PRPF31: variants seen among roughly 807,000 people sequenced by gnomAD.
PRPF31 encodes pre-mRNA processing factor 31.
In PRPF31, 12 loss-of-function variants were observed where a neutral mutation model predicts 60.4. The ratio of observed to expected loss-of-function variants is 0.20; its 90% confidence interval spans 0.13 to 0.32. The LOEUF is 0.32. Among genes scored for constraint, PRPF31 ranks in the 10% least tolerant of loss-of-function variants. The pLI, the probability that PRPF31 is intolerant of heterozygous loss-of-function variation, is 1.00. For synonymous variants in PRPF31, 287 were observed against 287.9 expected (o/e 1.00, Z 0.03); for missense variants, 431 against 687.1 (o/e 0.63, Z 4.17).
At chr19:54,126,778 C>T (rs1171298920) in intron 9 of PRPF31, among the ~76,000 whole-genome samples, 161 bp downstream of exon 9, 2 of 152,186 alleles carry the variant, frequency 1.3e-5, no homozygotes, top group African/African-American at 4.8e-5. Context: ...GCACCCCCTT[C>T]CCCAGTGGGG....
At chr19:54,131,178 G>C in intron 13 of PRPF31, 129 bp from the exon 14 acceptor site, 1 of 1,346,422 alleles carries the variant, frequency 7.4e-7, no homozygotes, top group Non-Finnish European at 1.1e-6. Flanking sequence ...GCAACTCCAG[G>C]GACAGGCAAA....
In PRPF31 at chr19:54,122,345, A is replaced by G. The variant is rs58057562; in HGVS notation, c.323-152A>G. The G allele has an allele frequency of 0.017, 13,390 of 770,954 alleles. 1,083 individuals carry two copies. The African/African-American group carries it at 0.19, about 11-fold the overall frequency. 47.8% of individuals were successfully genotyped at this position (770,954 alleles called of 1,614,324 possible). A position where few individuals can be genotyped will look rare whatever the true frequency, so the allele number is the denominator to read the frequency against. On this transcript the variant is annotated intron_variant, in intron 4 of 13. Coordinates refer to ENST00000321030, the MANE Select transcript of PRPF31 (RefSeq NM_015629.4). ...CCCCTGGTCACACCTAGCGGTAAGG[A>G]CGGCTGAGAAAGGCTGTATGCTGGT...
intron 8 of PRPF31, among the ~76,000 whole-genome samples, chr19:54,125,625 G>T (rs1284140418): frequency 3.9e-5 from 6 of 152,156 alleles, no homozygotes; most frequent in African/African-American, 1.2e-4. Flanking sequence ...CCCCAGGGAT[G>T]GGGAGAACAA....
At chr19:54,121,992 G>C in intron 4 of PRPF31, 49 bp downstream of exon 4, 1 of 1,545,650 alleles carries the variant, frequency 6.5e-7, no homozygotes, top group African/African-American at 1.4e-5. Flanking sequence ...CGTCCCTCAC[G>C]CCCCCTCTCC....
In PRPF31 at chr19:54,128,439, T is replaced by C; in HGVS notation, c.1146+62T>C. ...CAGCCAGCCGCCACCGCCCTCTGCC[T>C]CCTGCCACCGCCCCTCCTCTCGTCC... On this transcript the variant is annotated intron_variant, in intron 11 of 13. Transcript: ENST00000321030. The C allele has an allele frequency of 2.0e-6, 3 of 1,465,798 alleles. No homozygotes were observed. The South Asian group carries it at 3.6e-5, about 18-fold the overall frequency. 90.8% of individuals were successfully genotyped at this position (1,465,798 alleles called of 1,614,324 possible).
chr19:54,130,422 G>C (rs1323216900), intron 13 of PRPF31, among the ~76,000 whole-genome samples: 1 of 152,144 alleles, frequency 6.6e-6, no homozygotes, highest in Non-Finnish European at 1.5e-5. Context: ...TCAGGAGATC[G>C]AGACCATCCT....
At position 54,121,956 on chromosome 19, in the gene PRPF31, GGGC is replaced by G; in HGVS notation, c.322+14_322+16del. The G allele has an allele frequency of 6.2e-7, 1 of 1,607,730 alleles. No individual in the cohort carries two copies. ...GAAAACGAGCTGAGTGAGTGCTGGG[GGGC>G]AGGCGGAGACAGCCCCGTGTGACGT... On this transcript the variant is annotated intron_variant, in intron 4 of 13. Coordinates refer to ENST00000321030, the MANE Select transcript of PRPF31 (RefSeq NM_015629.4).
At position 54,121,835 on chromosome 19, in the gene PRPF31, C is replaced by T. The variant is rs587636626; in HGVS notation, c.239-25C>T. 399 of 1,593,846 alleles carry T rather than the reference C, an allele frequency of 2.5e-4. 6 individuals carry two copies. The South Asian group carries it at 4.4e-3, about 18-fold the overall frequency. Reference sequence around the variant, plus strand: ...GAGGGGGTAGGGATTTAGATACTCACACCCATGCCTCCGTGTCCTCACAGT... The same window carrying T: ...GAGGGGGTAGGGATTTAGATACTCATACCCATGCCTCCGTGTCCTCACAGT... On this transcript the variant is annotated intron_variant, in intron 3 of 13. Transcript: ENST00000321030.
intron 13 of PRPF31, 148 bp from the exon 14 acceptor site, chr19:54,131,159 C>T (rs2074039795): frequency 8.5e-7 from 1 of 1,175,716 alleles, no homozygotes. Flanking sequence ...CAGAATCTCC[C>T]AAGACAGGGC....
At chr19:54,122,635 G>T (rs760849663) in intron 5 of PRPF31, 41 bp downstream of exon 5, 1 of 1,512,138 alleles carries the variant, frequency 6.6e-7, no homozygotes, top group Non-Finnish European at 9.2e-7. Flanking sequence ...TGGCGTGAAG[G>T]GGCAGGCGGG....
chr19:54,131,380 TGGC>T lies in PRPF31; in HGVS notation c.1449_1451del (p.Met483_Ala484delinsIle), dbSNP rs755759583. 6.2e-7 allele frequency: 1 copy of T among 1,614,100 alleles called. No individual in the cohort carries two copies. Among genetic ancestry groups the T allele is most frequent in the Non-Finnish European group, 8.5e-7 (1 of 1,180,020 alleles). On this transcript the variant is annotated inframe_deletion, in exon 14 of 14. Coordinates refer to ENST00000321030, the MANE Select transcript of PRPF31 (RefSeq NM_015629.4). ...GCCAACCAGAAGTATTTCTCCAGCATGGCTGAGTTCCTCAAGGTCAAGGGCGAG... is the reference window on the plus strand; with the variant it reads ...GCCAACCAGAAGTATTTCTCCAGCATTGAGTTCCTCAAGGTCAAGGGCGAG...
chr19:54,127,107 G>A (rs1179178912), intron 9 of PRPF31, among the ~76,000 whole-genome samples: 3 of 152,154 alleles, frequency 2.0e-5, no homozygotes, highest in African/African-American at 4.8e-5. Flanking sequence ...GTGACATAGC[G>A]AGACTCCATC....
At chr19:54,122,437 G>A in intron 4 of PRPF31, 60 bp from the exon 5 acceptor site, 1 of 1,323,650 alleles carries the variant, frequency 7.6e-7, no homozygotes, top group Non-Finnish European at 1.1e-6. Flanking sequence ...GGGTGTTAGG[G>A]CCAACCAGCA....
rs373774402 is a variant in PRPF31, at chr19:54,126,506, C to A, written c.856-22C>A. The stretch of plus-strand genomic sequence containing the variant: ...GTCTGTCTGTCTCACACAGATTCCA[C>A]CCCCGTTTTCCGTTGCTCCAGGATC... On this transcript the variant is annotated intron_variant, in intron 8 of 13. Transcript: ENST00000321030. 3.6e-5 allele frequency: 58 copies of A among 1,607,158 alleles called. No individual in the cohort carries two copies. In the African/African-American group the frequency reaches 6.5e-4, roughly 18 times the overall value.
intron 1 of PRPF31, 66 bp from the exon 2 acceptor site, chr19:54,118,205 T>G: frequency 2.5e-6 from 4 of 1,610,276 alleles, no homozygotes; most frequent in Non-Finnish European, 3.4e-6. Flanking sequence ...GGGAGAATCA[T>G]CGCTCAGTAA....
Position 54,128,112 on chromosome 19 carries a change from G to C in PRPF31, c.985G>C (p.Asp329His). 6.4e-7 allele frequency: 1 copy of C among 1,550,618 alleles called. No individual in the cohort carries two copies. Among genetic ancestry groups the C allele is most frequent in the Non-Finnish European group, 8.7e-7 (1 of 1,147,566 alleles). ...GAAGGATGAGATCGAGCGCAAATTC[G>C]ACAAGTGGCAGGAGCCGCCGCCTGT... Reference protein sequence around the residue: ...ELKDEIERKFDKWQEPPPVKQ... With the variant: ...ELKDEIERKFHKWQEPPPVKQ... Residue 329 changes from aspartate (D) to histidine (H), a missense_variant, in exon 10 of 14, where the codon GAC becomes CAC. Around this residue, in one of 4 missense-constraint regions of PRPF31, gnomAD observed 314 missense variants for 475.3 expected, o/e 0.66. Coordinates refer to ENST00000321030, the MANE Select transcript of PRPF31 (RefSeq NM_015629.4).
chr19:54,123,319 A>C, intron 5 of PRPF31, 135 bp from the exon 6 acceptor site: 1 of 756,364 alleles, frequency 1.3e-6, no homozygotes, highest in Non-Finnish European at 2.4e-6. Flanking sequence ...CGGTGGAGGC[A>C]GGAGAGGCCC....
In PRPF31 at chr19:54,116,893, G is replaced by A. The variant is rs587756607; in HGVS notation, c.-9+1096G>A. ...AAGGATCGCTTGAGCCCAGGAGTTT[G>A]AGACCAGCCTGAGCAACACAGTGAG... On this transcript the variant is annotated intron_variant, in intron 1 of 13. Transcript: ENST00000321030. Among the ~76,000 whole-genome samples, 8 of 152,260 alleles carry A rather than the reference G, an allele frequency of 5.3e-5. No homozygotes were observed. In the South Asian group the frequency reaches 1.7e-3, roughly 32 times the overall value.
intron 11 of PRPF31, 57 bp from the exon 12 acceptor site, chr19:54,129,000 G>A (rs1021304984): frequency 2.6e-6 from 4 of 1,528,094 alleles, no homozygotes; most frequent in Non-Finnish European, 3.6e-6. Context: ...GGGTGCCTCG[G>A]TGGCTGGAGG....
Sources: gnomAD v4.1 joint callset for allele counts (sites outside exome capture counted in the v4.1 genomes callset) on GRCh38, gnomAD v4.1.1 for gene constraint, gnomAD v4.1.1 regional missense constraint, MANE v1.5 for transcripts, NCBI Gene and HGNC (gene_info 2026-07-23, HGNC 2026-07-21) for gene names.